The following HGF variants were observed in gnomAD, a reference collection of about 807,000 sequenced individuals.
HGF encodes fibroblast-derived tumor cytotoxic factor.
HGF carries 39 observed loss-of-function variants against 111.6 expected under a neutral mutation model. The observed-to-expected ratio is 0.35, with a 90% confidence interval of 0.27 to 0.46. The LOEUF is 0.46. Among genes scored for constraint, HGF ranks in the 20% least tolerant of loss-of-function variants. HGF has a pLI of 1.00. For synonymous variants in HGF, 285 were observed against 294.8 expected (o/e 0.97, Z 0.34); for missense variants, 735 against 910.5 (o/e 0.81, Z 2.48).
chr7:81,753,428 A>G (rs1347492372), intron 4 of HGF, among the ~76,000 whole-genome samples: 1 of 152,032 alleles, frequency 6.6e-6, no homozygotes, highest in African/African-American at 2.4e-5. Flanking sequence ...TTGAGTTCTA[A>G]ATGGCACTAA....
At chr7:81,704,146 C>T (rs749801327) in intron 17 of HGF, among the ~76,000 whole-genome samples, 3 of 151,548 alleles carry the variant, frequency 2.0e-5, no homozygotes, top group Non-Finnish European at 3.0e-5. Flanking sequence ...TGAGAAGTGG[C>T]GGAATCTACT....
Position 81,705,519 on chromosome 7 carries a change from G to A in HGF, c.1881C>T (p.Gly627=), listed in dbSNP as rs1789398948. The A allele has an allele frequency of 2.5e-6, 4 of 1,612,194 alleles. No individual in the cohort carries two copies. The highest frequency in any genetic ancestry group is 3.3e-5 in the Admixed American group (2 of 59,724). ...TATAGAGATGTGCCACTCGTAATAG[G>A]CCATCATAGTTGATCACTAGATTGA... ...WGYTGLINYD[G]LLRVAHLYIM... The change falls in exon 17 of 18, where the codon GGC becomes GGT. Residue 627 remains glycine, a synonymous_variant. Coordinates refer to ENST00000222390, the MANE Select transcript of HGF (RefSeq NM_000601.6).
chr7:81,745,371 GTCTA>G (rs1390587975), intron 5 of HGF, among the ~76,000 whole-genome samples: 5 of 152,168 alleles, frequency 3.3e-5, no homozygotes, highest in Non-Finnish European at 4.4e-5. Context: ...CCACGACGCT[GTCTA>G]TCTATTTTTT....
intron 8 of HGF, 32 bp from the exon 9 acceptor site, chr7:81,726,049 C>G: frequency 6.2e-7 from 1 of 1,612,050 alleles, no homozygotes; most frequent in East Asian, 2.2e-5. Flanking sequence ...ATGTAAATTG[C>G]CGGAGTTCTT....
At position 81,705,500 on chromosome 7, in the gene HGF, G is replaced by A. The variant is rs779267373; in HGVS notation, c.1900C>T (p.Leu634Phe). ...NYDGLLRVAH[L>F]YIMGNEKCSQ... is the part of the protein sequence containing the mutation. ...CATTTCTCATTTCCCATTATATAGA[G>A]ATGTGCCACTCGTAATAGGCCATCA... Residue 634 changes from leucine to phenylalanine, a missense_variant, in exon 17 of 18, where the codon CTC becomes TTC. Around this residue, in one of 3 missense-constraint regions of HGF, gnomAD observed 130 missense variants for 129.9 expected, o/e 1.00. Coordinates refer to ENST00000222390, the MANE Select transcript of HGF (RefSeq NM_000601.6). 1.2e-6 allele frequency: 2 copies of A among 1,612,422 alleles called. No homozygotes were observed. Among genetic ancestry groups the A allele is most frequent in the Non-Finnish European group, 1.7e-6 (2 of 1,178,966 alleles).
chr7:81,728,698 T>C (rs113221601), intron 8 of HGF, among the ~76,000 whole-genome samples: 56 of 152,332 alleles, frequency 3.7e-4, no homozygotes, highest in African/African-American at 1.3e-3. Flanking sequence ...CTAAAGCTTG[T>C]GCATGCACAC....
intron 15 of HGF, 41 bp from the exon 16 acceptor site, chr7:81,705,794 T>C: frequency 2.5e-6 from 3 of 1,178,802 alleles, no homozygotes; most frequent in Non-Finnish European, 3.8e-6. Flanking sequence ...CTCAACTGGA[T>C]TCAACACAAA....
chr7:81,767,230 A>C (rs181465847), intron 1 of HGF, among the ~76,000 whole-genome samples: 1 of 152,258 alleles, frequency 6.6e-6, no homozygotes, highest in East Asian at 1.9e-4. Flanking sequence ...CACTTGGCCA[A>C]ATGATTTTTT....
At chr7:81,743,068 G>C (rs1208260732) in intron 7 of HGF, 17 of 939,600 alleles carry the variant, frequency 1.8e-5, no homozygotes, top group Non-Finnish European at 2.8e-5. Context: ...TTCTCTCTCT[G>C]TGGTTTTTTA....
chr7:81,716,154 G>A (rs1189542841), intron 11 of HGF, among the ~76,000 whole-genome samples: 1 of 152,150 alleles, frequency 6.6e-6, no homozygotes, highest in Non-Finnish European at 1.5e-5. Context: ...CATTGGCAAT[G>A]TCTAGAGATA....
At chr7:81,747,216 G>C (rs1230463411) in intron 5 of HGF, among the ~76,000 whole-genome samples, 2 of 152,204 alleles carry the variant, frequency 1.3e-5, no homozygotes, top group East Asian at 3.9e-4. Context: ...GTGGGCACCT[G>C]TAGTCCCAGC....
At chr7:81,731,235 C>A (rs367728233) in intron 7 of HGF, among the ~76,000 whole-genome samples, 2 of 152,224 alleles carry the variant, frequency 1.3e-5, no homozygotes, top group African/African-American at 4.8e-5. Context: ...TTGTACTGTG[C>A]AAATTTTCAG....
At chr7:81,704,664 ATC>A (rs1410995329) in intron 17 of HGF, among the ~76,000 whole-genome samples, 1 of 151,772 alleles carries the variant, frequency 6.6e-6, no homozygotes, top group Non-Finnish European at 1.5e-5. Context: ...TTTCCTACAT[ATC>A]AAAGGACATT....
chr7:81,761,500 C>G (rs1789073984), intron 2 of HGF, among the ~76,000 whole-genome samples: 1 of 150,782 alleles, frequency 6.6e-6, no homozygotes, highest in Non-Finnish European at 1.5e-5. Context: ...TGGGTCACTA[C>G]CTAAATGTAA....
intron 2 of HGF, 113 bp downstream of exon 2, chr7:81,762,594 A>G (rs1015619054): frequency 2.5e-5 from 22 of 881,698 alleles, no homozygotes; most frequent in South Asian, 2.2e-4. Context: ...TCTAGAGTCA[A>G]ACTTACAATT....
intron 12 of HGF, 30 bp from the exon 13 acceptor site, chr7:81,710,273 A>T (rs539665611): frequency 4.3e-4 from 633 of 1,463,128 alleles, no homozygotes; most frequent in Non-Finnish European, 5.8e-4. Flanking sequence ...AACATTTTTT[A>T]AAATAAGAAT....
At chr7:81,723,461 G>C (rs1260921372) in intron 9 of HGF, among the ~76,000 whole-genome samples, 1 of 151,882 alleles carries the variant, frequency 6.6e-6, no homozygotes, top group East Asian at 1.9e-4. Flanking sequence ...TTTTCTGACT[G>C]TATATACTCT....
intron 2 of HGF, among the ~76,000 whole-genome samples, chr7:81,762,355 C>T (rs182315926): frequency 2.7e-4 from 41 of 152,226 alleles, no homozygotes; most frequent in African/African-American, 9.6e-4. Flanking sequence ...AAAAATTCCT[C>T]CATTCCTCTT....
intron 4 of HGF, among the ~76,000 whole-genome samples, chr7:81,754,432 A>G (rs1463960014): frequency 1.3e-5 from 2 of 151,920 alleles, no homozygotes; most frequent in African/African-American, 4.8e-5. Flanking sequence ...TGTAAAGCCA[A>G]AAAAAAGCTG....
Sources: allele counts gnomAD v4.1 joint callset (sites outside exome capture counted in the v4.1 genomes callset), GRCh38; gene constraint gnomAD v4.1.1; regional missense constraint gnomAD v4.1.1; transcripts MANE v1.5; gene names NCBI Gene and HGNC (gene_info 2026-07-23, HGNC 2026-07-21).